EMP2: variants seen among roughly 807,000 people sequenced by gnomAD.
EMP2 encodes the protein epithelial membrane protein 2.
Under a neutral mutation model 13.7 loss-of-function variants are expected in EMP2, and 19 were observed. The ratio of observed to expected loss-of-function variants is 1.38; its 90% CI spans 0.97 to 2.03. EMP2 has a LOEUF of 2.03. Among genes scored for constraint, EMP2 ranks in the 30% most tolerant of loss-of-function variants. The probability of loss-of-function intolerance (pLI) is 0.00; values close to 1 mark genes in which losing one functional copy is unlikely to be tolerated. For synonymous variants in EMP2, 97 were observed against 84.7 expected, an observed-to-expected ratio of 1.15 and a Z score of -0.80; for missense variants, 253 against 220.7, an observed-to-expected ratio of 1.15 and a Z score of -0.93.
chr16:10,551,608 T>G (rs1040598502), intron 1 of EMP2, among the ~76,000 whole-genome samples: 2 of 152,210 alleles, frequency 1.3e-5, no homozygotes, highest in African/African-American at 2.4e-5. Flanking sequence ...AGTTTCACTG[T>G]GTTTGCCAGG....
intron 1 of EMP2, among the ~76,000 whole-genome samples, chr16:10,577,559 C>T (rs1412301826): frequency 1.3e-5 from 2 of 152,170 alleles, no homozygotes; most frequent in African/African-American, 4.8e-5. Context: ...CCTGTCACCA[C>T]CACACCAATC....
intron 2 of EMP2, chr16:10,546,846 A>G (rs2050743440): frequency 6.6e-6 from 1 of 152,292 alleles, no homozygotes; most frequent in South Asian, 2.1e-4. Context: ...GGCAAGGTTG[A>G]GAACTCTGAT....
intron 2 of EMP2, chr16:10,544,168 CT>C (rs57786214): frequency 0.49 from 73,779 of 149,160 alleles, 19,289 homozygotes; most frequent in African/African-American, 0.66. Context: ...TTCTACATTT[CT>C]TTTTTTTTTT....
intron 1 of EMP2, among the ~76,000 whole-genome samples, chr16:10,566,818 A>T (rs1409321874): frequency 6.6e-6 from 1 of 152,160 alleles, no homozygotes; most frequent in Admixed American, 6.5e-5. Context: ...GGACAGAAAG[A>T]CATGGACCAC....
intron 1 of EMP2, among the ~76,000 whole-genome samples, chr16:10,577,856 G>C (rs2050994436): frequency 6.6e-6 from 1 of 151,842 alleles, no homozygotes; most frequent in Non-Finnish European, 1.5e-5. Flanking sequence ...CGTGGCTGGA[G>C]AGCCCTGCCC....
intron 4 of EMP2, among the ~76,000 whole-genome samples, chr16:10,533,438 C>T (rs2050623745): frequency 6.6e-6 from 1 of 152,186 alleles, no homozygotes; most frequent in Non-Finnish European, 1.5e-5. Context: ...AGCTATTTTG[C>T]TTCCCATTCT....
intron 1 of EMP2, among the ~76,000 whole-genome samples, chr16:10,579,708 GCACA>G (rs71133370): frequency 0.047 from 6,903 of 146,654 alleles, 506 homozygotes; most frequent in African/African-American, 0.16. Context: ...AGATCAAGGT[GCACA>G]CACACACACA....
At chr16:10,564,558 T>A (rs1175361203) in intron 1 of EMP2, among the ~76,000 whole-genome samples, 1 of 151,248 alleles carries the variant, frequency 6.6e-6, no homozygotes, top group Non-Finnish European at 1.5e-5. Flanking sequence ...TGGTCTGATA[T>A]GTGGGCCCTA....
intron 4 of EMP2, 129 bp downstream of exon 4, chr16:10,537,799 C>T (rs886662746): frequency 1.0e-5 from 12 of 1,203,892 alleles, no homozygotes; most frequent in African/African-American, 1.5e-5. Flanking sequence ...CACACCGGCA[C>T]ACAGCACCGC....
At chr16:10,537,794 C>A in intron 4 of EMP2, 134 bp downstream of exon 4, 1 of 1,103,742 alleles carries the variant, frequency 9.1e-7, no homozygotes, top group Non-Finnish European at 1.3e-6. Flanking sequence ...AAACACACAC[C>A]GGCACACAGC....
chr16:10,547,688 T>C lies in EMP2; in HGVS notation c.-60-11A>G. On this transcript the variant is annotated splice_polypyrimidine_tract_variant and intron_variant, in intron 1 of 4. Transcript: ENST00000359543. ...CCAGAGCGGGATGTGCTGAAGAGGG[T>C]AAGAAAGAGAAATTCAAAATCTGTC... The C allele has an allele frequency of 2.7e-6, 4 of 1,459,816 alleles. No homozygotes were observed. The South Asian group carries it at 4.8e-5, about 18-fold the overall frequency. The allele number at this position is 1,459,816 out of a possible 1,614,324, so 90.4% of individuals were successfully genotyped here. A position where few individuals can be genotyped will look rare whatever the true frequency, so the allele number is the denominator to read the frequency against.
At chr16:10,561,977 T>C (rs1245259235) in intron 1 of EMP2, among the ~76,000 whole-genome samples, 1 of 152,184 alleles carries the variant, frequency 6.6e-6, no homozygotes, top group Non-Finnish European at 1.5e-5. Flanking sequence ...GCTTCATGGG[T>C]GAATTCTGCC....
rs1567199147 is a variant in EMP2, at chr16:10,532,772, T to TTTTC, written c.*132_*133insGAAA. On this transcript the variant is annotated 3_prime_UTR_variant, in exon 5 of 5. Coordinates refer to ENST00000359543, the MANE Select transcript of EMP2 (RefSeq NM_001424.6). Reference sequence around the variant, plus strand: ...TTTTCTTTTTTCTTTTTTTTTTTTTTTTTTTTTTTTTTTTGGCTTTTAAAG... The same window carrying TTTTC: ...TTTTCTTTTTTCTTTTTTTTTTTTTTTTTCTTTTTTTTTTTTTTGGCTTTTAAAG... The TTTTC allele has an allele frequency of 1.6e-5, 6 of 380,008 alleles. 1 individual carries two copies. Among genetic ancestry groups the TTTTC allele is most frequent in the African/African-American group, 1.3e-4 (6 of 46,426 alleles). 23.5% of individuals were successfully genotyped at this position (380,008 alleles called of 1,614,324 possible). A position where few individuals can be genotyped will look rare whatever the true frequency, so the allele number is the denominator to read the frequency against.
At chr16:10,547,760 G>T in intron 1 of EMP2, 83 bp from the exon 2 acceptor site, 2 of 783,376 alleles carry the variant, frequency 2.6e-6, no homozygotes, top group Non-Finnish European at 2.0e-6. Context: ...TTTTAGCTGG[G>T]CGTGGTGGCT....
In EMP2 at chr16:10,547,444, T is replaced by C. The variant is rs1188927775; in HGVS notation, c.78+96A>G. 3.1e-6 allele frequency: 4 copies of C among 1,290,966 alleles called. No individual in the cohort carries two copies. In the East Asian group the frequency reaches 7.2e-5, roughly 23 times the overall value. The allele number at this position is 1,290,966 out of a possible 1,614,324, so 80.0% of individuals were successfully genotyped here. A position where few individuals can be genotyped will look rare whatever the true frequency, so the allele number is the denominator to read the frequency against. On this transcript the variant is annotated intron_variant, in intron 2 of 4. Transcript: ENST00000359543. Reference sequence around the variant, plus strand: ...CTTATAAATTACCTAGTCTCTGGTATGCCTTTATCAGCAGCATGAGAACAG... The same window carrying C: ...CTTATAAATTACCTAGTCTCTGGTACGCCTTTATCAGCAGCATGAGAACAG...
chr16:10,532,758 CT>C lies in EMP2; in HGVS notation c.*146del, dbSNP rs878927571. On this transcript the variant is annotated 3_prime_UTR_variant, in exon 5 of 5. Coordinates refer to ENST00000359543, the MANE Select transcript of EMP2 (RefSeq NM_001424.6). ...CTTTTGGATTTTTTTTTTCTTTTTT[CT>C]TTTTTTTTTTTTTTTTTTTTTTTTT... The C allele has an allele frequency of 6.7e-3, 1,238 of 184,764 alleles. 135 individuals carry two copies. Among genetic ancestry groups the C allele is most frequent in the African/African-American group, 0.04 (948 of 23,776 alleles). The allele number at this position is 184,764 out of a possible 1,614,324, so 11.4% of individuals were successfully genotyped here.
intron 4 of EMP2, among the ~76,000 whole-genome samples, chr16:10,533,373 C>G (rs80158015): frequency 6.6e-6 from 1 of 152,094 alleles, no homozygotes; most frequent in Non-Finnish European, 1.5e-5. Flanking sequence ...TTATTTTAGT[C>G]TATTGGAAAA....
At chr16:10,572,391 G>A (rs1376407065) in intron 1 of EMP2, among the ~76,000 whole-genome samples, 1 of 151,784 alleles carries the variant, frequency 6.6e-6, no homozygotes, top group Admixed American at 6.6e-5. Context: ...CGGCTGCCGT[G>A]AGCTGTGACT....
chr16:10,530,563 G>C lies in EMP2; in HGVS notation c.*2342C>G, dbSNP rs1435100173. ...AGAAAAAGACAATGAGGTGCAAAGA[G>C]CTTATCTCCTGGGATGGTTCCTGGG... is the stretch of plus-strand genomic sequence containing the variant. On this transcript the variant is annotated 3_prime_UTR_variant, in exon 5 of 5. Transcript: ENST00000359543. 6.6e-6 allele frequency: 1 copy of C among 152,544 alleles called. No homozygotes were observed. Among genetic ancestry groups the C allele is most frequent in the African/African-American group, 2.4e-5 (1 of 41,398 alleles). The allele number at this position is 152,544 out of a possible 1,614,324, so 9.4% of individuals were successfully genotyped here.
Sources: allele counts gnomAD v4.1 joint callset (sites outside exome capture counted in the v4.1 genomes callset), GRCh38; gene constraint gnomAD v4.1.1; transcripts MANE v1.5; gene names NCBI Gene and HGNC (gene_info 2026-07-23, HGNC 2026-07-21).